Variants in OR5A2 observed in about 807,000 individuals in gnomAD.
OR5A2 encodes olfactory receptor 5A2.
For missense variants in OR5A2, 406 were observed against 398.9 expected (o/e 1.02, Z -0.15); for synonymous variants, 155 against 151.1 (o/e 1.03, Z -0.19).
In OR5A2 at chr11:59,421,730, A is replaced by C; in HGVS notation, c.*249T>G. On this transcript the variant is annotated 3_prime_UTR_variant, in exon 2 of 2. Transcript: ENST00000302040. ...CATACAAACTCTGTTTTAACATTCC[A>C]GGATGTTTTTTGTCATGATGAAGTT... The C allele has an allele frequency of 2.4e-6, 1 of 420,908 alleles. No homozygotes were observed. The highest frequency in any genetic ancestry group is 4.2e-6 in the Non-Finnish European group (1 of 235,934). The allele number at this position is 420,908 out of a possible 1,614,324, so 26.1% of individuals were successfully genotyped here. A position where few individuals can be genotyped will look rare whatever the true frequency, so the allele number is the denominator to read the frequency against.
Position 59,420,137 on chromosome 11 carries a change from T to A in OR5A2, c.*1842A>T, listed in dbSNP as rs1331034068. 1 of 152,090 alleles carries A rather than the reference T, an allele frequency of 6.6e-6. No homozygotes were observed. Among genetic ancestry groups the A allele is most frequent in the Non-Finnish European group, 1.5e-5 (1 of 68,000 alleles). 9.4% of individuals were successfully genotyped at this position (152,090 alleles called of 1,614,324 possible). A position where few individuals can be genotyped will look rare whatever the true frequency, so the allele number is the denominator to read the frequency against. On this transcript the variant is annotated 3_prime_UTR_variant, in exon 2 of 2. Transcript: ENST00000302040. ...GCAGGGCATGACTCCCCAGACCCCTTAGAAAGGAATTTGGGCAAGATAAAA... is the reference window on the plus strand; with the variant it reads ...GCAGGGCATGACTCCCCAGACCCCTAAGAAAGGAATTTGGGCAAGATAAAA...
rs561598504 is a variant in OR5A2 at position 59,419,000 on chromosome 11, G to A, written c.*2979C>T. 4.3e-4 allele frequency: 65 copies of A among 152,174 alleles called. 1 individual carries two copies. Among genetic ancestry groups the A allele is most frequent in the African/African-American group, 1.5e-3 (62 of 41,536 alleles). 9.4% of individuals were successfully genotyped at this position (152,174 alleles called of 1,614,324 possible). On this transcript the variant is annotated 3_prime_UTR_variant, in exon 2 of 2. Transcript: ENST00000302040. ...CCATTTTGAAAATTGATAAACTGAA[G>A]GATAGGAGCTTGGTGAGTTAGAGTA... is the stretch of plus-strand genomic sequence containing the variant.
In OR5A2 at chr11:59,419,927, G is replaced by A. The variant is rs191470348; in HGVS notation, c.*2052C>T. The A allele has an allele frequency of 1.3e-5, 2 of 152,254 alleles. No homozygotes were observed. The highest frequency in any genetic ancestry group is 1.9e-4 in the East Asian group (1 of 5,176). 9.4% of individuals were successfully genotyped at this position (152,254 alleles called of 1,614,324 possible). ...AGGAAGGAAAACAAAGTGGAGAGGG[G>A]ATTCTCTATAGAATGTGGATTTTTC... On this transcript the variant is annotated 3_prime_UTR_variant, in exon 2 of 2. Coordinates refer to ENST00000302040, the MANE Select transcript of OR5A2 (RefSeq NM_001001954.2).
chr11:59,422,940 C>A lies in OR5A2; in HGVS notation c.14G>T (p.Arg5Met). Residue 5 changes from arginine (R) to methionine (M), a missense_variant, in exon 2 of 2, where the codon AGG becomes ATG. Transcript: ENST00000302040. MAVG[R>M]NNTIVTKFIL... ...GAATTTTGTCACAATTGTGTTGTTC[C>A]TTCCTACAGCCATAGGCCTGCTTCC... The A allele has an allele frequency of 6.2e-7, 1 of 1,612,734 alleles. No homozygotes were observed. The highest frequency in any genetic ancestry group is 8.5e-7 in the Non-Finnish European group (1 of 1,179,218).
rs541735743 is a variant in OR5A2 at position 59,422,651 on chromosome 11, C to T, written c.303G>A (p.Gln101=). ...KTISFVGCAT[Q]YFVFCGMGLT... ...GCCCCATCCCACAGAAGACAAAGTA[C>T]TGAGTGGCACAGCCAACAAAGGAAA... The change falls in exon 2 of 2, where the codon CAG becomes CAA. Residue 101 remains glutamine (Q), a synonymous_variant. Transcript: ENST00000302040. The T allele has an allele frequency of 3.3e-5, 53 of 1,614,146 alleles. No individual in the cohort carries two copies. The highest frequency in any genetic ancestry group is 2.7e-4 in the African/African-American group (20 of 75,036).
Position 59,422,903 on chromosome 11 carries a change from TC to T in OR5A2, c.50del (p.Gly17AspfsTer8), listed in dbSNP as rs1306853307. On this transcript the variant is annotated frameshift_variant, in exon 2 of 2. Coordinates refer to ENST00000302040, the MANE Select transcript of OR5A2 (RefSeq NM_001001954.2). LOFTEE classifies it low-confidence loss of function (END_TRUNC). ...NTIVTKFILL[G>X]LSDHPQMKIF... is the part of the protein sequence containing the mutation. Reference sequence around the variant, plus strand: ...TCTTCATTTGAGGATGGTCTGAAAGTCCCAGGAGAATGAATTTTGTCACAAT... The same window carrying T: ...TCTTCATTTGAGGATGGTCTGAAAGTCCAGGAGAATGAATTTTGTCACAAT... 2 of 1,613,974 alleles carry T rather than the reference TC, an allele frequency of 1.2e-6. No individual in the cohort carries two copies. Among genetic ancestry groups the T allele is most frequent in the Non-Finnish European group, 1.7e-6 (2 of 1,179,972 alleles).
chr11:59,425,415 G>A (rs1858290968), intron 1 of OR5A2: 1 of 152,208 alleles, frequency 6.6e-6, no homozygotes, highest in African/African-American at 2.4e-5. Flanking sequence ...TTTTACAGTA[G>A]TGATGTTATC....
rs1858224583 is a variant in OR5A2, at chr11:59,421,845, C to T, written c.*134G>A. On this transcript the variant is annotated 3_prime_UTR_variant, in exon 2 of 2. Transcript: ENST00000302040. ...GGCCAAAATGTTTTCTAATAGCCAA[C>T]AGGCAAACTATTAGTGAAATCTTAA... The T allele has an allele frequency of 4.1e-6, 4 of 974,904 alleles. No individual in the cohort carries two copies. The highest frequency in any genetic ancestry group is 4.7e-5 in the Admixed American group (2 of 42,572). The allele number at this position is 974,904 out of a possible 1,614,324, so 60.4% of individuals were successfully genotyped here. A position where few individuals can be genotyped will look rare whatever the true frequency, so the allele number is the denominator to read the frequency against.
In OR5A2 at chr11:59,422,101, C is replaced by A; in HGVS notation, c.853G>T (p.Val285Leu). The change falls in exon 2 of 2, where the codon GTG becomes TTG. Residue 285 changes from valine to leucine, a missense_variant. Transcript: ENST00000302040. ...VSIFYALVIP[V>L]VNPIIYSFRN... ...AAACTGTAGATGATGGGATTCACCA[C>A]GGGGATCACCAAGGCATAGAATATG... 3 of 1,614,036 alleles carry A rather than the reference C, an allele frequency of 1.9e-6. No homozygotes were observed. The highest frequency in any genetic ancestry group is 2.5e-6 in the Non-Finnish European group (3 of 1,179,988).
intron 1 of OR5A2, chr11:59,425,207 G>A (rs577052572): frequency 1.3e-5 from 2 of 152,158 alleles, no homozygotes; most frequent in Admixed American, 6.5e-5. Context: ...ATAATTTGGC[G>A]AGTAGGGGCT....
chr11:59,425,571 G>A (rs115721872), intron 1 of OR5A2: 2 of 152,246 alleles, frequency 1.3e-5, no homozygotes, highest in East Asian at 3.9e-4. Flanking sequence ...TCAGGAAAGA[G>A]CTGCTATTAA....
chr11:59,423,374 T>A lies in OR5A2; in HGVS notation c.-91-330A>T, dbSNP rs113180531. On this transcript the variant is annotated intron_variant, in intron 1 of 1. Coordinates refer to ENST00000302040, the MANE Select transcript of OR5A2 (RefSeq NM_001001954.2). ...GGATTTGGGTTCCCTATGGCTTTTTTAGACTTTCTGACTTGAAAATAAAGT... is the reference window on the plus strand; with the variant it reads ...GGATTTGGGTTCCCTATGGCTTTTTAAGACTTTCTGACTTGAAAATAAAGT... 2.6e-3 allele frequency: 408 copies of A among 159,752 alleles called. 2 individuals are homozygous for A. The highest frequency in any genetic ancestry group is 3.7e-3 in the Non-Finnish European group (272 of 72,714). 9.9% of individuals were successfully genotyped at this position (159,752 alleles called of 1,614,324 possible).
At chr11:59,423,888 G>A (rs1202447498) in intron 1 of OR5A2, 1 of 152,232 alleles carries the variant, frequency 6.6e-6, no homozygotes, top group Non-Finnish European at 1.5e-5. Flanking sequence ...CCGTACCTAA[G>A]CTGACTGAGA....
Position 59,423,368 on chromosome 11 carries a change from C to G in OR5A2, c.-91-324G>C, listed in dbSNP as rs542367524. 4 of 159,686 alleles carry G rather than the reference C, an allele frequency of 2.5e-5. No individual in the cohort carries two copies. In the South Asian group the frequency reaches 7.6e-4, roughly 30 times the overall value. The allele number at this position is 159,686 out of a possible 1,614,324, so 9.9% of individuals were successfully genotyped here. ...CCCTTTGGATTTGGGTTCCCTATGG[C>G]TTTTTTAGACTTTCTGACTTGAAAA... On this transcript the variant is annotated intron_variant, in intron 1 of 1. Coordinates refer to ENST00000302040, the MANE Select transcript of OR5A2 (RefSeq NM_001001954.2).
In OR5A2 at chr11:59,422,101, C is replaced by T. The variant is rs748854856; in HGVS notation, c.853G>A (p.Val285Met). 8.8e-5 allele frequency: 142 copies of T among 1,613,918 alleles called. No homozygotes were observed. Among genetic ancestry groups the T allele is most frequent in the Admixed American group, 3.7e-4 (22 of 59,994 alleles). Residue 285 changes from valine to methionine, a missense_variant, in exon 2 of 2, where the codon GTG (valine) becomes ATG (methionine). Transcript: ENST00000302040. ...VSIFYALVIP[V>M]VNPIIYSFRN... ...AAACTGTAGATGATGGGATTCACCA[C>T]GGGGATCACCAAGGCATAGAATATG... is the stretch of plus-strand genomic sequence containing the variant.
chr11:59,419,565 TTTTATATA>T lies in OR5A2; in HGVS notation c.*2406_*2413del, dbSNP rs1403630556. On this transcript the variant is annotated 3_prime_UTR_variant, in exon 2 of 2. Coordinates refer to ENST00000302040, the MANE Select transcript of OR5A2 (RefSeq NM_001001954.2). ...CCAAGGTGGTCGGGGTACAGCTTGGTTTTATATATTTTAGGGAAGCATGATACATCAAT... is the reference window on the plus strand; with the variant it reads ...CCAAGGTGGTCGGGGTACAGCTTGGTTTTTAGGGAAGCATGATACATCAAT... 6.6e-6 allele frequency: 1 copy of T among 152,024 alleles called. No homozygotes were observed. The highest frequency in any genetic ancestry group is 2.1e-4 in the South Asian group (1 of 4,832). The allele number at this position is 152,024 out of a possible 1,614,324, so 9.4% of individuals were successfully genotyped here.
rs767530515 is a variant in OR5A2 at position 59,422,715 on chromosome 11, G to A, written c.239C>T (p.Pro80Leu). 6.2e-7 allele frequency: 1 copy of A among 1,614,188 alleles called. No individual in the cohort carries two copies. The highest frequency in any genetic ancestry group is 1.1e-5 in the South Asian group (1 of 91,078). ...TGTGATGATGTCAGACAGCATCTTA[G>A]GGGCGGTGGAGGACACATAGCAGAT... ...LDICYVSSTA[P>L]KMLSDIITEQ... Residue 80 changes from proline to leucine, a missense_variant, in exon 2 of 2, where the codon CCT becomes CTT. Physicochemically the swap from Pro to Leu is moderately conservative, Grantham distance 98. Coordinates refer to ENST00000302040, the MANE Select transcript of OR5A2 (RefSeq NM_001001954.2).
rs148881735 is a variant in OR5A2, at chr11:59,418,811, C to T, written c.*3168G>A. On this transcript the variant is annotated 3_prime_UTR_variant, in exon 2 of 2. Transcript: ENST00000302040. The stretch of plus-strand genomic sequence containing the variant: ...GTGCAATGAGAAATTTACCATTACT[C>T]GTAGATATATATGTGATTGAACAAG... 3.9e-5 allele frequency: 6 copies of T among 151,948 alleles called. No individual in the cohort carries two copies. Among genetic ancestry groups the T allele is most frequent in the South Asian group, 2.1e-4 (1 of 4,812 alleles). The allele number at this position is 151,948 out of a possible 1,614,324, so 9.4% of individuals were successfully genotyped here. A position where few individuals can be genotyped will look rare whatever the true frequency, so the allele number is the denominator to read the frequency against.
Position 59,417,246 on chromosome 11 carries a change from A to G in OR5A2, c.*4733T>C, listed in dbSNP as rs980911612. The G allele has an allele frequency of 6.6e-6, 1 of 152,090 alleles. No homozygotes were observed. The highest frequency in any genetic ancestry group is 2.4e-5 in the African/African-American group (1 of 41,516). The allele number at this position is 152,090 out of a possible 1,614,324, so 9.4% of individuals were successfully genotyped here. ...TCTCTTCAACTAGATACTGCCAGCCATTTGGTCTGGCAATTCTGAAGAGAG... is the reference window on the plus strand; with the variant it reads ...TCTCTTCAACTAGATACTGCCAGCCGTTTGGTCTGGCAATTCTGAAGAGAG... On this transcript the variant is annotated 3_prime_UTR_variant, in exon 2 of 2. Coordinates refer to ENST00000302040, the MANE Select transcript of OR5A2 (RefSeq NM_001001954.2).
Sources: allele counts gnomAD v4.1 joint callset, GRCh38; gene constraint gnomAD v4.1.1; transcripts MANE v1.5; gene names NCBI Gene and HGNC (gene_info 2026-07-23, HGNC 2026-07-21).